Variants in ERBIN observed in about 807,000 individuals in gnomAD.
ERBIN encodes the protein densin-180-like protein.
A neutral mutation model predicts 158.4 loss-of-function variants in ERBIN; 60 were observed. The observed-to-expected ratio is 0.38, with a 90% CI of 0.31 to 0.47. The LOEUF (loss-of-function observed/expected upper bound fraction) is 0.47, where lower values mean the gene tolerates loss of function less well. Among genes scored for constraint, ERBIN ranks in the 20% least tolerant of loss-of-function variants. The pLI, the probability that ERBIN is intolerant of heterozygous loss-of-function variation, is 0.99. For synonymous variants in ERBIN, 594 were observed against 557.2 expected, an observed-to-expected ratio of 1.07 and a Z score of -0.93; for missense variants, 1,610 against 1,648.0, an observed-to-expected ratio of 0.98 and a Z score of 0.40.
chr5:66,033,170 T>C (rs564138044), intron 14 of ERBIN, among the ~76,000 whole-genome samples: 7 of 152,298 alleles, frequency 4.6e-5, no homozygotes, highest in South Asian at 2.1e-4. Context: ...AGTACTATTA[T>C]AGGTTTATTC....
chr5:66,021,509 A>G (rs1315568096), intron 8 of ERBIN, 124 bp downstream of exon 8: 1 of 622,130 alleles, frequency 1.6e-6, no homozygotes, highest in Non-Finnish European at 2.6e-6. Flanking sequence ...GTTACAAGAT[A>G]TGAAATTTCT....
At chr5:65,994,364 C>T (rs934325909) in intron 3 of ERBIN, among the ~76,000 whole-genome samples, 9 of 152,164 alleles carry the variant, frequency 5.9e-5, no homozygotes, top group Non-Finnish European at 1.0e-4. Flanking sequence ...TCTTATCACA[C>T]CTAACACTTT....
intron 1 of ERBIN, among the ~76,000 whole-genome samples, chr5:65,935,918 G>A (rs962049508): frequency 6.6e-6 from 1 of 152,048 alleles, no homozygotes; most frequent in Non-Finnish European, 1.5e-5. Context: ...AGAGGTAGAG[G>A]TCTTACTATG....
At chr5:66,044,381 G>A in intron 17 of ERBIN, 71 bp downstream of exon 17, 1 of 1,397,736 alleles carries the variant, frequency 7.2e-7, no homozygotes, top group Non-Finnish European at 9.7e-7. Flanking sequence ...TTGATATAGT[G>A]CCCCTTTTCA....
intron 1 of ERBIN, among the ~76,000 whole-genome samples, chr5:65,963,672 G>T (rs1466060570): frequency 1.3e-5 from 2 of 152,064 alleles, no homozygotes; most frequent in African/African-American, 2.4e-5. Flanking sequence ...AGAATGTATT[G>T]TTCCTTTACA....
At chr5:65,984,234 C>T (rs1750965476) in intron 1 of ERBIN, among the ~76,000 whole-genome samples, 2 of 150,964 alleles carry the variant, frequency 1.3e-5, no homozygotes, top group African/African-American at 5.0e-5. Flanking sequence ...GGCCTCCTTG[C>T]AGGCAGGAGG....
At chr5:66,026,590 T>C (rs1293692349) in intron 13 of ERBIN, among the ~76,000 whole-genome samples, 173 bp downstream of exon 13, 1 of 151,972 alleles carries the variant, frequency 6.6e-6, no homozygotes, top group East Asian at 1.9e-4. Flanking sequence ...TGAAACAACA[T>C]ACAATGAAAT....
At chr5:66,061,367 C>T (rs997824176) in intron 21 of ERBIN, among the ~76,000 whole-genome samples, 4 of 151,914 alleles carry the variant, frequency 2.6e-5, no homozygotes, top group Non-Finnish European at 5.9e-5. Context: ...ATTGCAACCC[C>T]TGCCTTTTTT....
At chr5:65,946,366 AAATGAATG>A (rs199983927) in intron 1 of ERBIN, among the ~76,000 whole-genome samples, 57 of 152,104 alleles carry the variant, frequency 3.7e-4, no homozygotes, top group African/African-American at 1.2e-3. Context: ...TCAGTCTCAT[AAATGAATG>A]AATGAATGAA....
intron 1 of ERBIN, among the ~76,000 whole-genome samples, chr5:65,965,437 A>C (rs1748489074): frequency 2.4e-5 from 3 of 124,596 alleles, no homozygotes; most frequent in Non-Finnish European, 3.2e-5. Flanking sequence ...ACGGAGTCTC[A>C]CTCTGTTGCC....
intron 4 of ERBIN, among the ~76,000 whole-genome samples, chr5:65,998,223 C>CAA (rs199628129): frequency 6.9e-6 from 1 of 145,904 alleles, no homozygotes; most frequent in African/African-American, 2.5e-5. Context: ...GCAAGACTCT[C>CAA]AAAAAAAAAT....
intron 2 of ERBIN, among the ~76,000 whole-genome samples, chr5:65,989,663 A>G (rs895074501): frequency 1.3e-5 from 2 of 152,220 alleles, no homozygotes; most frequent in South Asian, 4.1e-4. Flanking sequence ...CAAGTGCCCT[A>G]CATCTTTATA....
At chr5:65,980,965 T>C (rs1157870345) in intron 1 of ERBIN, among the ~76,000 whole-genome samples, 1 of 152,232 alleles carries the variant, frequency 6.6e-6, no homozygotes. Context: ...TTGACATTTG[T>C]AGAACATTAT....
intron 1 of ERBIN, among the ~76,000 whole-genome samples, chr5:65,983,413 CT>C (rs932245317): frequency 3.3e-5 from 5 of 151,272 alleles, no homozygotes; most frequent in African/African-American, 4.9e-5. Flanking sequence ...AGTTCAAAAA[CT>C]TTTTTTTTAC....
intron 15 of ERBIN, among the ~76,000 whole-genome samples, chr5:66,040,152 A>G (rs1349172436): frequency 2.6e-5 from 4 of 151,912 alleles, no homozygotes; most frequent in African/African-American, 4.8e-5. Flanking sequence ...CTTTACAATA[A>G]TCCTCCAAAA....
At chr5:66,046,309 T>C (rs745314588) in intron 17 of ERBIN, 44 bp from the exon 18 acceptor site, 30 of 1,173,122 alleles carry the variant, frequency 2.6e-5, no homozygotes, top group Admixed American at 2.5e-5. Context: ...AAAATAGATA[T>C]AAAACTTAAA....
intron 1 of ERBIN, among the ~76,000 whole-genome samples, chr5:65,933,735 G>A (rs1743730989): frequency 6.6e-6 from 1 of 151,952 alleles, no homozygotes; most frequent in Non-Finnish European, 1.5e-5. Context: ...ATTCCGTTCT[G>A]TTCTTATCTG....
At position 65,957,017 on chromosome 5, in the gene ERBIN, A is replaced by G. The variant is rs117374629; in HGVS notation, c.-58+30211A>G. Among the ~76,000 whole-genome samples, 21 of 152,242 alleles carry G rather than the reference A, an allele frequency of 1.4e-4. No homozygotes were observed. In the East Asian group the frequency reaches 4.1e-3, roughly 29 times the overall value. Reference sequence around the variant, plus strand: ...TAATATTACAAGCAGCTTAGAATGTAGTTGTTTGGATGAGTCAGAATATAT... The same window carrying G: ...TAATATTACAAGCAGCTTAGAATGTGGTTGTTTGGATGAGTCAGAATATAT... On this transcript the variant is annotated intron_variant, in intron 1 of 25. Transcript: ENST00000284037.
intron 1 of ERBIN, among the ~76,000 whole-genome samples, chr5:65,940,356 A>G (rs1191265347): frequency 1.4e-5 from 2 of 140,668 alleles, no homozygotes; most frequent in African/African-American, 5.7e-5. Flanking sequence ...CCCGGCAGCC[A>G]CCCCGTCTGG....
Sources: gnomAD v4.1 joint callset for allele counts (sites outside exome capture counted in the v4.1 genomes callset) on GRCh38, gnomAD v4.1.1 for gene constraint, MANE v1.5 for transcripts, NCBI Gene and HGNC (gene_info 2026-07-23, HGNC 2026-07-21) for gene names.